RUNX3: variants seen among roughly 807,000 people sequenced by gnomAD.
RUNX3 encodes RUNX family transcription factor 3.
RUNX3 carries 10 observed loss-of-function variants against 27.7 expected under a neutral mutation model. That is an observed-to-expected ratio of 0.36 (90% CI 0.22 to 0.61). The LOEUF is 0.61. Ranked by LOEUF, RUNX3 falls within the 20% of genes least tolerant of loss-of-function variation. The probability of loss-of-function intolerance (pLI) is 0.72; values close to 1 mark genes in which losing one functional copy is unlikely to be tolerated. For synonymous variants in RUNX3, 270 were observed against 269.2 expected (o/e 1.00, Z -0.03); for missense variants, 469 against 629.5 (o/e 0.75, Z 2.73).
chr1:24,948,103 A>C (rs962157904), intron 2 of RUNX3, among the ~76,000 whole-genome samples: 1 of 152,232 alleles, frequency 6.6e-6, no homozygotes, highest in African/African-American at 2.4e-5. Flanking sequence ...TGGAGGCCTC[A>C]GCCCTCCAGA....
intron 2 of RUNX3, among the ~76,000 whole-genome samples, chr1:24,942,638 T>C (rs776870692): frequency 5.9e-5 from 9 of 152,138 alleles, no homozygotes; most frequent in Non-Finnish European, 7.4e-5. Context: ...CCCACCTGCC[T>C]TCTCCCCACT....
In RUNX3 at chr1:24,929,595, C is replaced by G; in HGVS notation, c.274G>C (p.Ala92Pro). 2 of 1,606,268 alleles carry G rather than the reference C, an allele frequency of 1.2e-6. No homozygotes were observed. Among genetic ancestry groups the G allele is most frequent in the Non-Finnish European group, 8.5e-7 (1 of 1,178,580 alleles). Residue 92 changes from alanine (A) to proline (P), a missense_variant, in exon 1 of 5, where the codon GCC (alanine) becomes CCC (proline). Ala to Pro is a conservative substitution (Grantham distance 27, BLOSUM62 -1). This residue lies in a region of RUNX3 where 75 missense variants were observed against 168.5 expected (regional missense o/e 0.45). Transcript: ENST00000308873. Reference protein sequence around the residue: ...HWRCNKTLPVAFKVVALGDVP... With the variant: ...HWRCNKTLPVPFKVVALGDVP... ...CCGGGTCCCGCACTCACCTTGAAGG[C>G]GACGGGCAGCGTCTTGTTGCAGCGC...
At chr1:24,914,537 C>T (rs1640850975) in intron 3 of RUNX3, among the ~76,000 whole-genome samples, 1 of 152,194 alleles carries the variant, frequency 6.6e-6, no homozygotes, top group Non-Finnish European at 1.5e-5. Context: ...AACGGGCTGG[C>T]CGGGGGCCAG....
At position 24,929,670 on chromosome 1, in the gene RUNX3, C is replaced by T; in HGVS notation, c.199G>A (p.Val67Met). Residue 67 changes from valine to methionine, a missense_variant, in exon 1 of 5, where the codon GTG becomes ATG. Physicochemically the swap from Val to Met is conservative, Grantham distance 21. Coordinates refer to ENST00000308873, the MANE Select transcript of RUNX3 (RefSeq NM_004350.3). ...DVLADHAGEL[V>M]RTDSPNFLCS... ...AGGAAGTTGGGGCTGTCGGTGCGCA[C>T]GAGCTCGCCTGCGTGGTCCGCCAGC... 6.3e-7 allele frequency: 1 copy of T among 1,598,380 alleles called. No homozygotes were observed.
chr1:24,909,414 C>T (rs924717542), intron 3 of RUNX3, among the ~76,000 whole-genome samples: 3 of 152,112 alleles, frequency 2.0e-5, no homozygotes, highest in Admixed American at 6.5e-5. Flanking sequence ...CAGCCTCAGT[C>T]CGGGTGTGTC....
chr1:24,919,374 G>A, intron 2 of RUNX3, 30 bp from the exon 3 acceptor site: 2 of 1,484,646 alleles, frequency 1.3e-6, no homozygotes, highest in Non-Finnish European at 1.9e-6. Flanking sequence ...GAGGCAGGTG[G>A]TTGGCACCTG....
intron 2 of RUNX3, among the ~76,000 whole-genome samples, chr1:24,956,298 T>C (rs1443609719): frequency 6.6e-6 from 1 of 152,206 alleles, no homozygotes; most frequent in Non-Finnish European, 1.5e-5. Context: ...CAAAAATTGT[T>C]TTCCCTTAAA....
chr1:24,929,483 C>G lies in RUNX3; in HGVS notation c.282+104G>C, dbSNP rs1047662870. The G allele has an allele frequency of 5.0e-6, 6 of 1,200,902 alleles. No homozygotes were observed. The African/African-American group carries it at 6.0e-5, about 12-fold the overall frequency. The allele number at this position is 1,200,902 out of a possible 1,614,324, so 74.4% of individuals were successfully genotyped here. A position where few individuals can be genotyped will look rare whatever the true frequency, so the allele number is the denominator to read the frequency against. On this transcript the variant is annotated intron_variant, in intron 1 of 4. Coordinates refer to ENST00000308873, the MANE Select transcript of RUNX3 (RefSeq NM_004350.3). ...GGGTGCCCGGGTGTCGCCGCGGCGT[C>G]TCGGGCACCTCCCATCCCCACTGCT...
intron 2 of RUNX3, among the ~76,000 whole-genome samples, chr1:24,937,689 T>C (rs928209403): frequency 2.0e-5 from 3 of 152,232 alleles, no homozygotes; most frequent in African/African-American, 7.2e-5. Context: ...ACAGTTAGGC[T>C]GCTCTATTCC....
rs1308578895 is a variant in RUNX3 at position 24,900,339 on chromosome 1, T to C, written c.*1783A>G. On this transcript the variant is annotated 3_prime_UTR_variant, in exon 5 of 5. Coordinates refer to ENST00000308873, the MANE Select transcript of RUNX3 (RefSeq NM_004350.3). ...GTATGGTTCTGGCCGTTGTGACAGG[T>C]TGGGTGGGGACAGTGCTCTCACAGA... 2 of 152,210 alleles carry C rather than the reference T, an allele frequency of 1.3e-5. No individual in the cohort carries two copies. The highest frequency in any genetic ancestry group is 4.8e-5 in the African/African-American group (2 of 41,390). The allele number at this position is 152,210 out of a possible 1,614,324, so 9.4% of individuals were successfully genotyped here.
rs1027213312 is a variant in RUNX3 at position 24,920,310 on chromosome 1, C to G, written c.440-966G>C. On this transcript the variant is annotated intron_variant, in intron 2 of 4. Coordinates refer to ENST00000308873, the MANE Select transcript of RUNX3 (RefSeq NM_004350.3). ...TCTGCTTATTTCCTTAGAAGAGATT[C>G]CAAGAAGCGGTGAGTGATTTCACGG... is the stretch of plus-strand genomic sequence containing the variant. 9.2e-5 allele frequency among the ~76,000 whole-genome samples: 14 copies of G among 151,842 alleles called. 1 individual carries two copies. Among genetic ancestry groups the G allele is most frequent in the African/African-American group, 2.9e-4 (12 of 41,272 alleles).
At position 24,902,729 on chromosome 1, in the gene RUNX3, G is replaced by A. The variant is rs992452394; in HGVS notation, c.704-63C>T. On this transcript the variant is annotated intron_variant, in intron 4 of 4. Coordinates refer to ENST00000308873, the MANE Select transcript of RUNX3 (RefSeq NM_004350.3). This position sits in a 1 kb window ranked among gnomAD's most constrained non-coding sequence, Gnocchi z 9.2. ...GACAACCCCAGGAGGGCTTCCTGAA[G>A]AATGACCTTGGGCTCTGGTTCCCAA... 2.0e-5 allele frequency: 28 copies of A among 1,398,514 alleles called. No homozygotes were observed. Among genetic ancestry groups the A allele is most frequent in the Non-Finnish European group, 2.7e-5 (28 of 1,043,278 alleles). The allele number at this position is 1,398,514 out of a possible 1,614,324, so 86.6% of individuals were successfully genotyped here. A position where few individuals can be genotyped will look rare whatever the true frequency, so the allele number is the denominator to read the frequency against.
rs12092031 is a variant in RUNX3 at position 24,923,197 on chromosome 1, C to T, written c.440-3853G>A. On this transcript the variant is annotated intron_variant, in intron 2 of 4. Coordinates refer to ENST00000308873, the MANE Select transcript of RUNX3 (RefSeq NM_004350.3). The surrounding 1 kb of genome is among the most constrained non-coding windows in gnomAD (Gnocchi z 5.9). ...CCTCGGCCGCTTCCACCAGCTTCCA[C>T]GCCTGTCACCACCCCTCCCAGGTAC... 9.2e-5 allele frequency among the ~76,000 whole-genome samples: 14 copies of T among 152,080 alleles called. No homozygotes were observed. The highest frequency in any genetic ancestry group is 1.6e-4 in the Non-Finnish European group (11 of 68,020).
intron 2 of RUNX3, among the ~76,000 whole-genome samples, chr1:24,919,832 G>A (rs1322131607): frequency 6.6e-6 from 1 of 151,316 alleles, no homozygotes. Flanking sequence ...TTTTGTATGG[G>A]TTTGTATATT....
intron 2 of RUNX3, among the ~76,000 whole-genome samples, chr1:24,957,152 T>A (rs925147578): frequency 5.9e-5 from 9 of 152,228 alleles, no homozygotes; most frequent in African/African-American, 2.2e-4. Flanking sequence ...AAAAACACTT[T>A]TCCCAGACTC....
intron 2 of RUNX3, among the ~76,000 whole-genome samples, chr1:24,957,394 T>C (rs1367146864): frequency 6.6e-6 from 1 of 152,050 alleles, no homozygotes; most frequent in African/African-American, 2.4e-5. Context: ...TCTTTCTTTC[T>C]TTCCTCTATC....
chr1:24,928,755 C>T (rs868221066), intron 1 of RUNX3: 15 of 237,864 alleles, frequency 6.3e-5, no homozygotes, highest in Non-Finnish European at 1.2e-4. Context: ...CAAAGAGCCA[C>T]TCTTCCTTTT....
chr1:24,937,228 A>T (rs1571334936), intron 2 of RUNX3, among the ~76,000 whole-genome samples: 1 of 152,184 alleles, frequency 6.6e-6, no homozygotes, highest in Non-Finnish European at 1.5e-5. Context: ...CCTGTGACCC[A>T]TGCAGTCGCA....
chr1:24,964,639 CTGT>C (rs1642211490), exon 2 of RUNX3: 5 of 1,551,200 alleles, frequency 3.2e-6, no homozygotes, highest in Non-Finnish European at 4.4e-6. Flanking sequence ...ACTTGGTTGG[CTGT>C]TGTTTTATTT....
Sources: gnomAD v4.1 joint callset for allele counts (sites outside exome capture counted in the v4.1 genomes callset) on GRCh38, gnomAD v4.1.1 for gene constraint, gnomAD v4.1.1 regional missense constraint, Gnocchi (gnomAD v3.1) non-coding constraint, MANE v1.5 for transcripts, NCBI Gene and HGNC (gene_info 2026-07-23, HGNC 2026-07-21) for gene names.